The following AUTS2 variants were observed in gnomAD, a reference collection of about 807,000 sequenced individuals.
The protein encoded by AUTS2 is autism susceptibility gene 2 protein.
AUTS2 carries 17 observed loss-of-function variants against 112.4 expected under a neutral mutation model. The observed-to-expected ratio is 0.15, with a 90% CI of 0.10 to 0.23. AUTS2 has a LOEUF of 0.23. Among genes scored for constraint, AUTS2 ranks in the 10% least tolerant of loss-of-function variants. AUTS2 has a pLI of 1.00. For synonymous variants in AUTS2, 751 were observed against 702.7 expected (o/e 1.07, Z -1.09); for missense variants, 1,510 against 1,701.6 (o/e 0.89, Z 1.98).
At chr7:70,386,385 T>C (rs1482110680) in intron 4 of AUTS2, among the ~76,000 whole-genome samples, 1 of 152,254 alleles carries the variant, frequency 6.6e-6, no homozygotes, top group African/African-American at 2.4e-5. Flanking sequence ...GATTCACTTA[T>C]GAAGTTCATC....
Position 69,599,347 on chromosome 7 carries a change from A to C in AUTS2, c.-307A>C. The C allele has an allele frequency of 3.3e-6, 1 of 302,376 alleles. No homozygotes were observed. The highest frequency in any genetic ancestry group is 6.1e-6 in the Non-Finnish European group (1 of 165,006). The allele number at this position is 302,376 out of a possible 1,614,324, so 18.7% of individuals were successfully genotyped here. On this transcript the variant is annotated 5_prime_UTR_variant, in exon 1 of 19. Transcript: ENST00000342771. The surrounding 1 kb of genome is among the most constrained non-coding windows in gnomAD (Gnocchi z 7.0). Reference sequence around the variant, plus strand: ...CTAAAGGAGACCTGTGTGTTCAGCCATTACTTTGCTCGGCGCTGCTCCCAG... The same window carrying C: ...CTAAAGGAGACCTGTGTGTTCAGCCCTTACTTTGCTCGGCGCTGCTCCCAG...
chr7:69,873,940 T>C (rs910501540), intron 1 of AUTS2, among the ~76,000 whole-genome samples: 3 of 152,218 alleles, frequency 2.0e-5, no homozygotes, highest in Non-Finnish European at 4.4e-5. Flanking sequence ...CATAGATTGG[T>C]AATTGGTTGG....
At chr7:70,144,736 T>C (rs1231484078) in intron 4 of AUTS2, among the ~76,000 whole-genome samples, 1 of 152,100 alleles carries the variant, frequency 6.6e-6, no homozygotes, top group Non-Finnish European at 1.5e-5. Context: ...GGCTGACAAT[T>C]TGGACTGTGA....
intron 5 of AUTS2, among the ~76,000 whole-genome samples, chr7:70,653,843 C>T (rs149971589): frequency 1.3e-5 from 2 of 152,214 alleles, no homozygotes; most frequent in East Asian, 1.9e-4. Flanking sequence ...CAGTTGTAAG[C>T]GGGTTGAAGT....
chr7:69,610,876 A>G lies in AUTS2; in HGVS notation c.309+10914A>G, dbSNP rs555294875. ...TATGACAGTTCAGTTTTAAAATTGT[A>G]AAGATGCCAAAAGCAGGGCTGCATT... On this transcript the variant is annotated intron_variant, in intron 1 of 18. Coordinates refer to ENST00000342771, the MANE Select transcript of AUTS2 (RefSeq NM_015570.4). Among the ~76,000 whole-genome samples, 3 of 152,322 alleles carry G rather than the reference A, an allele frequency of 2.0e-5. No homozygotes were observed. In the South Asian group the frequency reaches 6.2e-4, roughly 32 times the overall value.
intron 2 of AUTS2, among the ~76,000 whole-genome samples, chr7:70,110,342 C>T (rs933047547): frequency 6.6e-6 from 1 of 152,072 alleles, no homozygotes; most frequent in Non-Finnish European, 1.5e-5. Flanking sequence ...ATGGTGAAAC[C>T]CTGTCTTTAC....
chr7:70,776,902 GGA>G (rs1274509162), intron 13 of AUTS2, 199 bp from the exon 14 acceptor site: 2 of 616,910 alleles, frequency 3.2e-6, no homozygotes. Context: ...ACCCACGTGG[GGA>G]GAGAGGGGGA....
intron 6 of AUTS2, among the ~76,000 whole-genome samples, chr7:70,746,470 A>G (rs906057939): frequency 6.6e-6 from 1 of 152,198 alleles, no homozygotes; most frequent in African/African-American, 2.4e-5. Context: ...ATTGTCATTC[A>G]AATATGAACA....
intron 5 of AUTS2, among the ~76,000 whole-genome samples, chr7:70,512,805 TTCC>T (rs1298177426): frequency 1.3e-5 from 2 of 151,890 alleles, no homozygotes; most frequent in East Asian, 3.9e-4. Context: ...TTTTAACTTT[TTCC>T]TCTTGTTTCT....
Position 70,032,724 on chromosome 7 carries a change from T to G in AUTS2, c.523-85408T>G, listed in dbSNP as rs139764610. Among the ~76,000 whole-genome samples the G allele has an allele frequency of 1.9e-3, 286 of 152,156 alleles. 1 individual carries two copies. The highest frequency in any genetic ancestry group is 2.9e-3 in the Non-Finnish European group (195 of 67,998). The stretch of plus-strand genomic sequence containing the variant: ...TGGTGCAGTGTTAGAATGGATGAGC[T>G]GTAGGGCTGTGGGCTTCAGACCCTT... On this transcript the variant is annotated intron_variant, in intron 2 of 18. Coordinates refer to ENST00000342771, the MANE Select transcript of AUTS2 (RefSeq NM_015570.4).
intron 1 of AUTS2, among the ~76,000 whole-genome samples, chr7:69,609,276 A>G (rs1326206998): frequency 6.6e-6 from 1 of 152,220 alleles, no homozygotes; most frequent in Non-Finnish European, 1.5e-5. Flanking sequence ...ACAAATGTGG[A>G]TGAGCACCCA....
chr7:70,467,723 A>G (rs1040695934), intron 5 of AUTS2, among the ~76,000 whole-genome samples: 2 of 152,200 alleles, frequency 1.3e-5, no homozygotes, highest in Non-Finnish European at 2.9e-5. Flanking sequence ...AAGTATCACA[A>G]TACTAAGCAG....
intron 1 of AUTS2, among the ~76,000 whole-genome samples, chr7:69,870,448 A>AATATATATATATATATATATAT (rs11467258): frequency 0.1 from 7,859 of 78,214 alleles, 970 homozygotes; most frequent in African/African-American, 0.14. Context: ...ATGTGTGTGT[A>AATATATATATATATATATATAT]ATATATATAT....
intron 4 of AUTS2, among the ~76,000 whole-genome samples, chr7:70,377,561 C>G (rs73173583): frequency 0.06 from 9,097 of 150,706 alleles, 331 homozygotes; most frequent in African/African-American, 0.091. Flanking sequence ...GTACAGCCAT[C>G]ACCACTGTTC....
intron 3 of AUTS2, 121 bp from the exon 4 acceptor site, chr7:70,134,415 T>C (rs1806437947): frequency 7.6e-6 from 6 of 788,434 alleles, no homozygotes; most frequent in African/African-American, 1.7e-5. Context: ...AGGGGCAGCA[T>C]ACACTGGTGA....
intron 1 of AUTS2, among the ~76,000 whole-genome samples, chr7:69,793,784 A>G (rs117358998): frequency 0.014 from 2,108 of 152,188 alleles, 27 homozygotes; most frequent in Middle Eastern, 0.037. Context: ...AAATGTTTAA[A>G]CATTTTTAAA....
intron 2 of AUTS2, among the ~76,000 whole-genome samples, chr7:70,026,251 A>G (rs751000918): frequency 2.8e-4 from 43 of 152,128 alleles, no homozygotes; most frequent in Non-Finnish European, 5.4e-4. Context: ...AGTTCTAATA[A>G]TACTCTTTAC....
intron 4 of AUTS2, among the ~76,000 whole-genome samples, chr7:70,184,006 T>C (rs1384871682): frequency 6.6e-6 from 1 of 152,064 alleles, no homozygotes; most frequent in Non-Finnish European, 1.5e-5. Context: ...AGGTATCTAT[T>C]GTAGTTTGGC....
At chr7:70,573,411 G>A (rs1802032740) in intron 5 of AUTS2, among the ~76,000 whole-genome samples, 1 of 152,214 alleles carries the variant, frequency 6.6e-6, no homozygotes, top group Non-Finnish European at 1.5e-5. Flanking sequence ...CAACTCCAAA[G>A]AAGGGGATAA....
Sources: gnomAD v4.1 joint callset for allele counts (sites outside exome capture counted in the v4.1 genomes callset) on GRCh38, gnomAD v4.1.1 for gene constraint, Gnocchi (gnomAD v3.1) non-coding constraint, MANE v1.5 for transcripts, NCBI Gene and HGNC (gene_info 2026-07-23, HGNC 2026-07-21) for gene names.